UTRN: variants seen among roughly 807,000 people sequenced by gnomAD.
The protein encoded by UTRN is dystrophin-related protein 1.
In UTRN, 283 loss-of-function variants were observed where a neutral mutation model predicts 463.9. The ratio of observed to expected loss-of-function variants is 0.61; its 90% confidence interval spans 0.55 to 0.67. The LOEUF is 0.67. Among genes scored for constraint, UTRN ranks in the 30% least tolerant of loss-of-function variants. The probability of loss-of-function intolerance (pLI) is 0.00; values close to 1 mark genes in which losing one functional copy is unlikely to be tolerated. For missense variants in UTRN, 3,922 were observed against 4,084.3 expected (o/e 0.96, Z 1.08); for synonymous variants, 1,442 against 1,431.5 (o/e 1.01, Z -0.17).
Position 144,654,069 on chromosome 6 carries a change from G to A in UTRN, c.7480-24337G>A, listed in dbSNP as rs73597601. ...TGGAGGGGAGAAAATGTGTGATTGT[G>A]GTGTGTGACTTTTTGTGGGAAACCA... On this transcript the variant is annotated intron_variant, in intron 51 of 74. Coordinates refer to ENST00000367545, the MANE Select transcript of UTRN (RefSeq NM_007124.3). 1.6e-3 allele frequency among the ~76,000 whole-genome samples: 238 copies of A among 152,294 alleles called. 1 individual carries two copies. The highest frequency in any genetic ancestry group is 5.6e-3 in the African/African-American group (232 of 41,548).
chr6:144,349,199 G>A (rs1317314594), intron 2 of UTRN, among the ~76,000 whole-genome samples: 2 of 152,122 alleles, frequency 1.3e-5, no homozygotes, highest in East Asian at 1.9e-4. Context: ...TAGTAGAGAC[G>A]GGGTTTCCCC....
At chr6:144,360,112 C>CCTT (rs1778945546) in intron 2 of UTRN, among the ~76,000 whole-genome samples, 1 of 120,412 alleles carries the variant, frequency 8.3e-6, no homozygotes, top group African/African-American at 3.7e-5. Context: ...CTCCCCTCCC[C>CCTT]CCTTCCTTCC....
intron 22 of UTRN, 142 bp downstream of exon 22, chr6:144,461,484 G>A (rs1007471286): frequency 3.0e-6 from 3 of 994,668 alleles, no homozygotes; most frequent in African/African-American, 3.4e-5. Flanking sequence ...TATGATTTGA[G>A]GGTTAGTTTG....
At chr6:144,819,181 G>T (rs779097014) in intron 65 of UTRN, among the ~76,000 whole-genome samples, 5 of 152,126 alleles carry the variant, frequency 3.3e-5, no homozygotes, top group Admixed American at 6.5e-5. Flanking sequence ...TGTTTGTTTT[G>T]TCAGTGTAAA....
At chr6:144,771,854 A>G (rs1794062592) in intron 58 of UTRN, 53 bp from the exon 59 acceptor site, 1 of 1,461,692 alleles carries the variant, frequency 6.8e-7, no homozygotes, top group Non-Finnish European at 9.3e-7. Context: ...TTTGGCCTAT[A>G]TGAAGTTTTT....
chr6:144,725,395 G>C (rs1478077340), intron 53 of UTRN, among the ~76,000 whole-genome samples: 1 of 152,166 alleles, frequency 6.6e-6, no homozygotes, highest in East Asian at 1.9e-4. Context: ...AATACAGGTT[G>C]CAATTTTACC....
chr6:144,735,239 C>T (rs868135304), intron 54 of UTRN, among the ~76,000 whole-genome samples: 1 of 152,130 alleles, frequency 6.6e-6, no homozygotes, highest in Non-Finnish European at 1.5e-5. Context: ...GAGAAGGACT[C>T]TGAGGGTCAG....
chr6:144,746,021 A>G (rs1790703100), intron 54 of UTRN, among the ~76,000 whole-genome samples: 1 of 150,084 alleles, frequency 6.7e-6, no homozygotes, highest in South Asian at 2.1e-4. Context: ...TTTTCCTGAG[A>G]TGGAATTTTG....
intron 51 of UTRN, among the ~76,000 whole-genome samples, chr6:144,625,962 G>C (rs1775901357): frequency 6.6e-6 from 1 of 152,148 alleles, no homozygotes; most frequent in South Asian, 2.1e-4. Flanking sequence ...TGGCTGAAAA[G>C]TTTCTGTTGA....
At chr6:144,388,363 A>T (rs906190535) in intron 2 of UTRN, among the ~76,000 whole-genome samples, 3 of 151,658 alleles carry the variant, frequency 2.0e-5, no homozygotes, top group African/African-American at 7.3e-5. Context: ...GTCCCACTGG[A>T]GTACAGTGGC....
At position 144,835,814 on chromosome 6, in the gene UTRN, C is replaced by T; in HGVS notation, c.9700C>T (p.Gln3234Ter). The T allele has an allele frequency of 6.2e-7, 1 of 1,614,100 alleles. No individual in the cohort carries two copies. Among genetic ancestry groups the T allele is most frequent in the Non-Finnish European group, 8.5e-7 (1 of 1,179,978 alleles). ...GCACGCCCTCATCCAGCAGTATTGCCAAACACTCGGAGGAGAGTCCCCAGT... is the reference window on the plus strand; with the variant it reads ...GCACGCCCTCATCCAGCAGTATTGCTAAACACTCGGAGGAGAGTCCCCAGT... ...DEHALIQQYC[Q>*]TLGGESPVSQ... is the part of the protein sequence containing the mutation. Residue 3234 changes from glutamine (Q) to a stop codon, truncating the protein, a stop_gained, in exon 70 of 75, where the codon CAA becomes TAA. Transcript: ENST00000367545. LOFTEE classifies it high-confidence loss of function.
chr6:144,455,898 C>G (rs1365234745), intron 19 of UTRN, among the ~76,000 whole-genome samples: 3 of 152,156 alleles, frequency 2.0e-5, no homozygotes, highest in Non-Finnish European at 4.4e-5. Flanking sequence ...ATTGAGTTCA[C>G]ATGAAAGTGC....
At chr6:144,454,690 A>G (rs1237166824) in intron 19 of UTRN, among the ~76,000 whole-genome samples, 1 of 152,196 alleles carries the variant, frequency 6.6e-6, no homozygotes. Flanking sequence ...ATAGAATACT[A>G]TAATGAACTT....
At chr6:144,753,821 C>T (rs1202132810) in intron 56 of UTRN, among the ~76,000 whole-genome samples, 4 of 145,132 alleles carry the variant, frequency 2.8e-5, no homozygotes, top group African/African-American at 5.1e-5. Flanking sequence ...AAGCCATAAT[C>T]GTGCCACTGA....
At chr6:144,557,739 T>C (rs1010780605) in intron 50 of UTRN, among the ~76,000 whole-genome samples, 5 of 152,152 alleles carry the variant, frequency 3.3e-5, no homozygotes, top group African/African-American at 1.2e-4. Flanking sequence ...CAGACACACA[T>C]GGATCCAACA....
chr6:144,797,614 T>C (rs999530484), intron 63 of UTRN: 1 of 457,450 alleles, frequency 2.2e-6, no homozygotes, highest in African/African-American at 2.0e-5. Flanking sequence ...TTTTGCTTCT[T>C]CCTATGTGAC....
chr6:144,423,767 G>A, intron 5 of UTRN, 141 bp downstream of exon 5: 1 of 1,057,372 alleles, frequency 9.5e-7, no homozygotes, highest in Non-Finnish European at 1.4e-6. Context: ...CTTTTTCTGT[G>A]AGTGAAGAAA....
In UTRN at chr6:144,551,089, T is replaced by G. The variant is rs753370115; in HGVS notation, c.6928+7T>G. On this transcript the variant is annotated splice_region_variant and intron_variant, in intron 48 of 74. Coordinates refer to ENST00000367545, the MANE Select transcript of UTRN (RefSeq NM_007124.3). ...ACAGCAATTACAGAAAAATGTAAGT[T>G]TTTTAAAAAAAGTTATGTATTATCA... The G allele has an allele frequency of 6.3e-7, 1 of 1,589,746 alleles. No individual in the cohort carries two copies. Among genetic ancestry groups the G allele is most frequent in the Admixed American group, 1.8e-5 (1 of 54,220 alleles).
intron 52 of UTRN, among the ~76,000 whole-genome samples, chr6:144,697,884 T>G (rs1784186867): frequency 6.6e-6 from 1 of 152,214 alleles, no homozygotes; most frequent in South Asian, 2.1e-4. Context: ...CAACTCAATT[T>G]CAAAGGAATA....
Sources: gnomAD v4.1 joint callset for allele counts (sites outside exome capture counted in the v4.1 genomes callset) on GRCh38, gnomAD v4.1.1 for gene constraint, MANE v1.5 for transcripts, NCBI Gene and HGNC (gene_info 2026-07-23, HGNC 2026-07-21) for gene names.